The following ASH1L variants were observed in gnomAD, a reference collection of about 807,000 sequenced individuals.
The protein encoded by ASH1L is ASH1 like histone lysine methyltransferase, also known as histone-lysine N-methyltransferase ASH1L.
ASH1L carries 23 observed loss-of-function variants against 269.0 expected under a neutral mutation model. The observed-to-expected ratio is 0.09, with a 90% CI of 0.06 to 0.12. The LOEUF (loss-of-function observed/expected upper bound fraction) is 0.12, where lower values mean the gene tolerates loss of function less well. Among genes scored for constraint, ASH1L ranks in the 10% least tolerant of loss-of-function variants. The pLI, the probability that ASH1L is intolerant of heterozygous loss-of-function variation, is 1.00. For synonymous variants in ASH1L, 1,187 were observed against 1,253.5 expected, an observed-to-expected ratio of 0.95 and a Z score of 1.12; for missense variants, 2,912 against 3,567.8, an observed-to-expected ratio of 0.82 and a Z score of 4.68.
At chr1:155,445,544 G>A (rs563885913) in intron 4 of ASH1L, among the ~76,000 whole-genome samples, 14 of 152,260 alleles carry the variant, frequency 9.2e-5, no homozygotes, top group Admixed American at 7.8e-4. Flanking sequence ...CGCCCAGGCT[G>A]GTCTTTAACT....
At chr1:155,381,159 T>C (rs1656908224) in intron 7 of ASH1L, among the ~76,000 whole-genome samples, 2 of 152,160 alleles carry the variant, frequency 1.3e-5, no homozygotes, top group South Asian at 2.1e-4. Flanking sequence ...CAGACATAAT[T>C]AGGTATAATA....
chr1:155,474,509 G>A (rs1340957082), intron 3 of ASH1L, among the ~76,000 whole-genome samples: 4 of 152,102 alleles, frequency 2.6e-5, no homozygotes, highest in African/African-American at 9.7e-5. Context: ...GATCAGCCTG[G>A]GCGGCATGGC....
intron 3 of ASH1L, among the ~76,000 whole-genome samples, chr1:155,472,977 T>C (rs1487912126): frequency 2.6e-5 from 4 of 152,212 alleles, no homozygotes; most frequent in Admixed American, 6.5e-5. Flanking sequence ...CTCATGATTA[T>C]ACATATAAAA....
intron 12 of ASH1L, among the ~76,000 whole-genome samples, chr1:155,363,495 C>T (rs939029099): frequency 5.9e-5 from 9 of 151,786 alleles, no homozygotes; most frequent in Admixed American, 1.3e-4. Context: ...CTGCTTGCCT[C>T]GGCCTCCCAA....
rs1482897434 is a variant in ASH1L, at chr1:155,547,122, T to C, written c.-100+15031A>G. Among the ~76,000 whole-genome samples, 5 of 151,362 alleles carry C rather than the reference T, an allele frequency of 3.3e-5. No homozygotes were observed. The East Asian group carries it at 8.0e-4, about 24-fold the overall frequency. ...CATGTGCTACCATGCCCAGCTAATT[T>C]TTGTATTTTTAGTAGAGACAGGGTT... On this transcript the variant is annotated intron_variant, in intron 1 of 27. Transcript: ENST00000392403.
intron 6 of ASH1L, among the ~76,000 whole-genome samples, chr1:155,398,092 T>C (rs544928157): frequency 1.3e-5 from 2 of 152,320 alleles, no homozygotes; most frequent in Admixed American, 1.3e-4. Flanking sequence ...AATATATTTA[T>C]AAAGACTGTT....
At chr1:155,561,995 G>A in intron 1 of ASH1L, 158 bp downstream of exon 1, 2 of 582,990 alleles carry the variant, frequency 3.4e-6, no homozygotes, top group Non-Finnish European at 5.9e-6. Flanking sequence ...CTTCCCGGTA[G>A]GCTCAGGATC....
chr1:155,505,635 T>C (rs1667766144), intron 2 of ASH1L, among the ~76,000 whole-genome samples: 1 of 152,186 alleles, frequency 6.6e-6, no homozygotes, highest in African/African-American at 2.4e-5. Context: ...AAATTATTAA[T>C]AATGGTTTCG....
chr1:155,401,122 C>T (rs1187845068), intron 6 of ASH1L, among the ~76,000 whole-genome samples: 1 of 151,716 alleles, frequency 6.6e-6, no homozygotes, highest in Non-Finnish European at 1.5e-5. Flanking sequence ...GATCGTGCCA[C>T]TGCACGCCAG....
intron 7 of ASH1L, among the ~76,000 whole-genome samples, chr1:155,380,380 T>C (rs955991436): frequency 5.9e-5 from 9 of 152,030 alleles, no homozygotes; most frequent in African/African-American, 2.2e-4. Context: ...CACAGGTCAT[T>C]ATGAAGCTTA....
chr1:155,343,446 G>A lies in ASH1L; in HGVS notation c.8161C>T (p.His2721Tyr). 1.2e-6 allele frequency: 2 copies of A among 1,614,154 alleles called. No homozygotes were observed. The highest frequency in any genetic ancestry group is 1.6e-4 in the Middle Eastern group (1 of 6,062). The change falls in exon 24 of 28, where the codon CAC becomes TAC. Residue 2721 changes from histidine to tyrosine, a missense_variant. This residue lies in a region of ASH1L where 179 missense variants were observed against 293.8 expected (regional missense o/e 0.61). Coordinates refer to ENST00000392403, the MANE Select transcript of ASH1L (RefSeq NM_018489.3). This position sits in a 1 kb window ranked among gnomAD's most constrained non-coding sequence, Gnocchi z 6.1. ...FAFGHHYFRP[H>Y]ETHHSPSRRF... ...CGGGATGGAGAGTGGTGTGTTTCGT[G>A]GGGACGGAAATAATGGTGACCAAAG...
At chr1:155,432,272 TCA>T (rs1661669123) in intron 5 of ASH1L, among the ~76,000 whole-genome samples, 1 of 152,326 alleles carries the variant, frequency 6.6e-6, no homozygotes, top group African/African-American at 2.4e-5. Context: ...AGCCTATTCT[TCA>T]CATTTTTAGC....
chr1:155,433,553 GAGA>G (rs573730239), intron 5 of ASH1L: 264 of 1,610,720 alleles, frequency 1.6e-4, no homozygotes, highest in Non-Finnish European at 2.1e-4. Context: ...CGTGAAACTG[GAGA>G]AGGAGAAGCT....
In ASH1L at chr1:155,445,887, T is replaced by C. The variant is rs555631997; in HGVS notation, c.5087-6819A>G. Among the ~76,000 whole-genome samples, 4 of 152,172 alleles carry C rather than the reference T, an allele frequency of 2.6e-5. No homozygotes were observed. In the South Asian group the frequency reaches 8.3e-4, roughly 32 times the overall value. ...GTGTGTGTGTGTGTTTGTGTGTGTG[T>C]ACATTTTTTATTTTTTATTTTTTCC... On this transcript the variant is annotated intron_variant, in intron 4 of 27. Coordinates refer to ENST00000392403, the MANE Select transcript of ASH1L (RefSeq NM_018489.3).
At chr1:155,457,561 C>G (rs906729714) in intron 4 of ASH1L, among the ~76,000 whole-genome samples, 3 of 152,144 alleles carry the variant, frequency 2.0e-5, no homozygotes, top group African/African-American at 7.2e-5. Context: ...TCAGTGATAT[C>G]TTCTTCAGTC....
intron 4 of ASH1L, among the ~76,000 whole-genome samples, chr1:155,452,021 T>C (rs1454470477): frequency 6.7e-6 from 1 of 149,086 alleles, no homozygotes; most frequent in Non-Finnish European, 1.5e-5. Flanking sequence ...GCACACGGCT[T>C]TAGAAATGGT....
intron 6 of ASH1L, among the ~76,000 whole-genome samples, chr1:155,404,758 G>A (rs1659123329): frequency 2.0e-5 from 3 of 152,208 alleles, no homozygotes; most frequent in South Asian, 4.1e-4. Context: ...AGGGCTGGGC[G>A]TGGTGGCATG....
At chr1:155,400,885 TGTG>T (rs1266596766) in intron 6 of ASH1L, among the ~76,000 whole-genome samples, 1 of 152,158 alleles carries the variant, frequency 6.6e-6, no homozygotes, top group Non-Finnish European at 1.5e-5. Flanking sequence ...ATGCCAGTGA[TGTG>T]GTGGCTCACG....
Position 155,482,108 on chromosome 1 carries a change from G to C in ASH1L, c.762C>G (p.Ile254Met), listed in dbSNP as rs758992852. ...CTACAGAGCCAACACCTGCTTTCCT[G>C]ATCAAATCCTTGCTAACCAATCCTG... The part of the protein sequence containing the change: ...TTAGLVSKDL[I>M]RKAGVGSVAG... Residue 254 changes from isoleucine (I) to methionine (M), a missense_variant, in exon 3 of 28, where the codon ATC (isoleucine) becomes ATG (methionine). By Grantham distance (10) the Ile-to-Met change is conservative (BLOSUM62 1). This residue lies in a region of ASH1L where 277 missense variants were observed against 367.7 expected (regional missense o/e 0.75). Transcript: ENST00000392403. 1 of 1,614,102 alleles carries C rather than the reference G, an allele frequency of 6.2e-7. No homozygotes were observed. Among genetic ancestry groups the C allele is most frequent in the South Asian group, 1.1e-5 (1 of 91,078 alleles).
Sources: gnomAD v4.1 joint callset for allele counts (sites outside exome capture counted in the v4.1 genomes callset) on GRCh38, gnomAD v4.1.1 for gene constraint, gnomAD v4.1.1 regional missense constraint, Gnocchi (gnomAD v3.1) non-coding constraint, MANE v1.5 for transcripts, NCBI Gene and HGNC (gene_info 2026-07-23, HGNC 2026-07-21) for gene names.